The following SPATA6 variants were observed in gnomAD, a reference collection of about 807,000 sequenced individuals.
The protein encoded by SPATA6 is spermatogenesis associated 6.
In SPATA6, 56 loss-of-function variants were observed where a neutral mutation model predicts 65.3. That is an observed-to-expected ratio of 0.86 (90% confidence interval 0.69 to 1.07). The LOEUF is 1.07. Among genes scored for constraint, SPATA6 ranks in the 50% least tolerant of loss-of-function variants. The probability of loss-of-function intolerance (pLI) is 0.00; values close to 1 mark genes in which losing one functional copy is unlikely to be tolerated. For synonymous variants in SPATA6, 199 were observed against 213.2 expected (o/e 0.93, Z 0.58); for missense variants, 590 against 594.8 (o/e 0.99, Z 0.08).
intron 3 of SPATA6, among the ~76,000 whole-genome samples, chr1:48,439,623 G>A (rs1056902631): frequency 3.3e-5 from 5 of 152,210 alleles, no homozygotes; most frequent in Non-Finnish European, 5.9e-5. Context: ...ACCGTTGTAG[G>A]TTCTTGGGCA....
At chr1:48,397,409 AG>A (rs550320900) in intron 7 of SPATA6, among the ~76,000 whole-genome samples, 37 of 151,882 alleles carry the variant, frequency 2.4e-4, no homozygotes, top group African/African-American at 8.7e-4. Context: ...GAAAATAAAA[AG>A]GCTGTTTTAC....
intron 11 of SPATA6, among the ~76,000 whole-genome samples, chr1:48,324,757 T>C (rs913896284): frequency 5.9e-5 from 9 of 152,022 alleles, no homozygotes; most frequent in African/African-American, 9.7e-5. Flanking sequence ...CGGGAATAAG[T>C]GAAAACCCTT....
intron 1 of SPATA6, among the ~76,000 whole-genome samples, chr1:48,456,693 A>G (rs1657031862): frequency 6.6e-6 from 1 of 152,222 alleles, no homozygotes; most frequent in Admixed American, 6.5e-5. Context: ...AATTTTTAAC[A>G]GAACCAAATA....
chr1:48,464,728 G>C (rs910424914), intron 1 of SPATA6, among the ~76,000 whole-genome samples: 5 of 152,186 alleles, frequency 3.3e-5, no homozygotes, highest in African/African-American at 1.2e-4. Flanking sequence ...TATTGTAAGA[G>C]AAGTCAAGAT....
chr1:48,408,425 G>C (rs1490645565), intron 5 of SPATA6, among the ~76,000 whole-genome samples: 1 of 152,152 alleles, frequency 6.6e-6, no homozygotes, highest in Non-Finnish European at 1.5e-5. Context: ...GCTGTCACTT[G>C]ATGCAGCTTT....
At chr1:48,312,678 C>A (rs140731181) in intron 11 of SPATA6, among the ~76,000 whole-genome samples, 1 of 152,114 alleles carries the variant, frequency 6.6e-6, no homozygotes, top group Non-Finnish European at 1.5e-5. Context: ...TCACCAGCAA[C>A]GGAACAAAGT....
the SPATA6 span, among the ~76,000 whole-genome samples, chr1:48,269,802 A>G: frequency 6.6e-6 from 1 of 151,420 alleles, no homozygotes; most frequent in Non-Finnish European, 1.5e-5. Context: ...TATTTCAAAT[A>G]TACATTTGGT....
intron 11 of SPATA6, among the ~76,000 whole-genome samples, chr1:48,352,706 A>G (rs1042915186): frequency 2.0e-5 from 3 of 152,026 alleles, no homozygotes; most frequent in African/African-American, 7.2e-5. Flanking sequence ...CAGATGAAAG[A>G]CATGAGTTCT....
chr1:48,426,805 A>G (rs1363282464), intron 3 of SPATA6, among the ~76,000 whole-genome samples: 2 of 152,142 alleles, frequency 1.3e-5, no homozygotes, highest in Non-Finnish European at 2.9e-5. Context: ...ATTATAATCT[A>G]TTGAAAAATT....
intron 3 of SPATA6, chr1:48,436,354 AG>A (rs1225037999): frequency 6.2e-7 from 1 of 1,612,122 alleles, no homozygotes; most frequent in Admixed American, 1.7e-5. Flanking sequence ...CACTGTTGGC[AG>A]CTGGCTTTGG....
Position 48,472,141 on chromosome 1 carries a change from C to T in SPATA6, c.-133G>A. ...GGCAGCAGTGGCCCCCAGGCCGGGG[C>T]CCGCGGTCCAGCCTGGGTTCCGCCG... On this transcript the variant is annotated 5_prime_UTR_variant, in exon 1 of 13. Coordinates refer to ENST00000371847, the MANE Select transcript of SPATA6 (RefSeq NM_019073.4). 1.2e-5 allele frequency: 8 copies of T among 678,272 alleles called. No individual in the cohort carries two copies. In the South Asian group the frequency reaches 1.7e-4, roughly 14 times the overall value. The allele number at this position is 678,272 out of a possible 1,614,324, so 42.0% of individuals were successfully genotyped here. A position where few individuals can be genotyped will look rare whatever the true frequency, so the allele number is the denominator to read the frequency against.
At chr1:48,378,477 C>T (rs527674627) in intron 9 of SPATA6, among the ~76,000 whole-genome samples, 1 of 152,234 alleles carries the variant, frequency 6.6e-6, no homozygotes, top group South Asian at 2.1e-4. Flanking sequence ...TAAAGACATA[C>T]ACAAGACTGG....
chr1:48,275,281 G>T, the SPATA6 span, among the ~76,000 whole-genome samples: 1 of 152,198 alleles, frequency 6.6e-6, no homozygotes, highest in South Asian at 2.1e-4. Flanking sequence ...CATGTCATCT[G>T]CAAAGAGAGA....
At chr1:48,368,695 T>C (rs1647120117) in intron 9 of SPATA6, among the ~76,000 whole-genome samples, 1 of 152,228 alleles carries the variant, frequency 6.6e-6, no homozygotes, top group East Asian at 1.9e-4. Context: ...TATACATTTG[T>C]CTAATTTTTT....
intron 11 of SPATA6, among the ~76,000 whole-genome samples, chr1:48,343,506 A>G (rs1340289359): frequency 2.0e-5 from 3 of 152,202 alleles, no homozygotes; most frequent in African/African-American, 4.8e-5. Flanking sequence ...TGTAACGCCT[A>G]TGTAATGCAT....
chr1:48,450,775 A>T (rs1656490786), intron 3 of SPATA6, among the ~76,000 whole-genome samples: 1 of 152,200 alleles, frequency 6.6e-6, no homozygotes, highest in Non-Finnish European at 1.5e-5. Flanking sequence ...TGCATGTTCC[A>T]GGCTACATGT....
rs1029111282 is a variant in SPATA6, at chr1:48,472,098, C to A, written c.-90G>T. Reference sequence around the variant, plus strand: ...GGGCTGGGCGGGGACGGGGAGGAGACGAGGTGGCGGCGGCGGTGGCAGCAG... The same window carrying A: ...GGGCTGGGCGGGGACGGGGAGGAGAAGAGGTGGCGGCGGCGGTGGCAGCAG... On this transcript the variant is annotated 5_prime_UTR_variant, in exon 1 of 13. Coordinates refer to ENST00000371847, the MANE Select transcript of SPATA6 (RefSeq NM_019073.4). The A allele has an allele frequency of 8.1e-5, 86 of 1,057,918 alleles. No homozygotes were observed. The highest frequency in any genetic ancestry group is 1.1e-4 in the Non-Finnish European group (82 of 775,958). 65.5% of individuals were successfully genotyped at this position (1,057,918 alleles called of 1,614,324 possible). A position where few individuals can be genotyped will look rare whatever the true frequency, so the allele number is the denominator to read the frequency against.
intron 12 of SPATA6, among the ~76,000 whole-genome samples, chr1:48,302,563 G>T (rs1644965746): frequency 6.6e-6 from 1 of 152,150 alleles, no homozygotes; most frequent in Non-Finnish European, 1.5e-5. Flanking sequence ...AAGCCTATAA[G>T]GCTTCCATAT....
At chr1:48,381,700 A>ATTTTT (rs1648635795) in intron 9 of SPATA6, among the ~76,000 whole-genome samples, 23 of 60,534 alleles carry the variant, frequency 3.8e-4, no homozygotes, top group South Asian at 1.5e-3. Context: ...TTTTTTTTTA[A>ATTTTT]TTAATTTATT....
Sources: allele counts gnomAD v4.1 joint callset (sites outside exome capture counted in the v4.1 genomes callset), GRCh38; gene constraint gnomAD v4.1.1; transcripts MANE v1.5; gene names NCBI Gene and HGNC (gene_info 2026-07-23, HGNC 2026-07-21).